Variants in LRRC49 observed in about 807,000 individuals in gnomAD.
LRRC49 encodes the protein leucine rich repeat containing 49.
LRRC49 carries 50 observed loss-of-function variants against 83.3 expected under a neutral mutation model. The observed-to-expected ratio is 0.60, with a 90% CI of 0.48 to 0.76. The LOEUF is 0.76. LRRC49 is among the 30% of genes least tolerant of loss of function. The pLI is 0.00. For missense variants in LRRC49, 704 were observed against 809.1 expected (o/e 0.87, Z 1.58); for synonymous variants, 286 against 283.3 (o/e 1.01, Z -0.10).
At chr15:70,931,397 G>A (rs956418538) in intron 7 of LRRC49, among the ~76,000 whole-genome samples, 5 of 152,044 alleles carry the variant, frequency 3.3e-5, no homozygotes, top group African/African-American at 1.2e-4. Context: ...CACTGATCAC[G>A]GATAATCATA....
At position 70,908,056 on chromosome 15, in the gene LRRC49, T is replaced by G. The variant is rs941705876; in HGVS notation, c.500+3301T>G. 73 of 455,644 alleles carry G rather than the reference T, an allele frequency of 1.6e-4. 1 individual carries two copies. Among genetic ancestry groups the G allele is most frequent in the Non-Finnish European group, 1.8e-5 (4 of 226,596 alleles). 28.2% of individuals were successfully genotyped at this position (455,644 alleles called of 1,614,324 possible). A position where few individuals can be genotyped will look rare whatever the true frequency, so the allele number is the denominator to read the frequency against. On this transcript the variant is annotated intron_variant, in intron 5 of 15. Coordinates refer to ENST00000260382, the MANE Select transcript of LRRC49 (RefSeq NM_017691.5). Reference sequence around the variant, plus strand: ...GAGAATTTATGCCAAAGGCAACTCATGAGAACAAGAGAGCAAGATGTTTGG... The same window carrying G: ...GAGAATTTATGCCAAAGGCAACTCAGGAGAACAAGAGAGCAAGATGTTTGG...
intron 7 of LRRC49, among the ~76,000 whole-genome samples, chr15:70,920,935 A>C (rs1253357927): frequency 1.3e-5 from 2 of 152,128 alleles, no homozygotes; most frequent in African/African-American, 2.4e-5. Flanking sequence ...AAATCTGAGA[A>C]TACTTCTCTT....
chr15:71,017,204 G>T (rs1415606753), intron 14 of LRRC49, among the ~76,000 whole-genome samples: 1 of 152,116 alleles, frequency 6.6e-6, no homozygotes, highest in African/African-American at 2.4e-5. Flanking sequence ...ACTTAATATT[G>T]TAAAGATGCC....
chr15:70,888,450 A>AATAAAAGATGCTGAGTCAAC (rs1201259671), upstream of LRRC49, among the ~76,000 whole-genome samples: 1 of 152,196 alleles, frequency 6.6e-6, no homozygotes, highest in African/African-American at 2.4e-5. Flanking sequence ...ATGCTGAGTC[A>AATAAAAGATGCTGAGTCAAC]AATGGGTATC....
At chr15:71,031,872 T>G (rs1296872038) in intron 14 of LRRC49, among the ~76,000 whole-genome samples, 2 of 152,240 alleles carry the variant, frequency 1.3e-5, no homozygotes, top group South Asian at 2.1e-4. Context: ...CCGGGTCAAC[T>G]TCAGCCTACT....
At chr15:70,938,765 G>A (rs946846350) in intron 8 of LRRC49, among the ~76,000 whole-genome samples, 1 of 152,052 alleles carries the variant, frequency 6.6e-6, no homozygotes, top group African/African-American at 2.4e-5. Flanking sequence ...ATCTTCCATG[G>A]ACTCTAATTC....
intron 11 of LRRC49, among the ~76,000 whole-genome samples, chr15:71,002,660 T>C (rs1304178663): frequency 1.3e-5 from 2 of 152,156 alleles, no homozygotes; most frequent in African/African-American, 4.8e-5. Flanking sequence ...AATGTTGTAA[T>C]AGAAATTCAT....
chr15:71,027,349 T>C (rs565569980), intron 14 of LRRC49, among the ~76,000 whole-genome samples: 4 of 152,340 alleles, frequency 2.6e-5, no homozygotes, highest in African/African-American at 9.6e-5. Flanking sequence ...ACTGTAGCCT[T>C]GTAGCCTAGT....
At chr15:70,865,059 C>G (rs544079188) in intron 1 of LRRC49, among the ~76,000 whole-genome samples, 3 of 152,266 alleles carry the variant, frequency 2.0e-5, no homozygotes, top group Middle Eastern at 6.8e-3. Flanking sequence ...AAGCCTTTTC[C>G]AATTCAGGGA....
chr15:70,883,954 C>T (rs146870785), intron 2 of LRRC49, among the ~76,000 whole-genome samples: 10 of 152,088 alleles, frequency 6.6e-5, no homozygotes, highest in African/African-American at 9.6e-5. Context: ...TTGTGCCAGG[C>T]GGTGAAATTT....
chr15:70,882,880 G>A, intron 2 of LRRC49: 2 of 1,613,974 alleles, frequency 1.2e-6, no homozygotes, highest in Non-Finnish European at 1.7e-6. Flanking sequence ...ATGGGGTTGG[G>A]TTTGCACAAG....
chr15:70,926,120 C>G (rs2035185850), intron 7 of LRRC49, among the ~76,000 whole-genome samples: 1 of 152,212 alleles, frequency 6.6e-6, no homozygotes, highest in Non-Finnish European at 1.5e-5. Flanking sequence ...AATTATTGAG[C>G]TGTATTCCAT....
At chr15:70,937,879 A>G (rs1276988426) in intron 8 of LRRC49, among the ~76,000 whole-genome samples, 4 of 152,136 alleles carry the variant, frequency 2.6e-5, no homozygotes, top group African/African-American at 7.2e-5. Flanking sequence ...TTTGAATGCA[A>G]CATTCCAGGT....
intron 2 of LRRC49, chr15:70,882,235 A>G: frequency 5.1e-6 from 2 of 390,204 alleles, no homozygotes; most frequent in Non-Finnish European, 9.1e-6. Flanking sequence ...GGATTAAAAG[A>G]AAAAAAAAGG....
chr15:71,011,541 T>C (rs1367324516), intron 13 of LRRC49, among the ~76,000 whole-genome samples: 3 of 152,162 alleles, frequency 2.0e-5, no homozygotes, highest in African/African-American at 7.2e-5. Context: ...ATACCTAAAA[T>C]ATATTCCTGT....
intron 6 of LRRC49, among the ~76,000 whole-genome samples, chr15:70,916,559 T>C (rs933334721): frequency 1.3e-5 from 2 of 152,188 alleles, no homozygotes; most frequent in African/African-American, 4.8e-5. Flanking sequence ...CCTCCCAAAG[T>C]ACTGGGATTA....
chr15:71,021,046 G>GA (rs1022731847), intron 14 of LRRC49, among the ~76,000 whole-genome samples: 5 of 151,518 alleles, frequency 3.3e-5, no homozygotes, highest in Admixed American at 1.3e-4. Context: ...TGATGAGCTA[G>GA]AAAAAAATCA....
At chr15:70,891,612 TGTGTGTGA>T (rs1228701569), upstream of LRRC49, among the ~76,000 whole-genome samples, 3 of 105,812 alleles carry the variant, frequency 2.8e-5, no homozygotes, top group Non-Finnish European at 4.0e-5. Flanking sequence ...TGTGTGTGTG[TGTGTGTGA>T]GTTTTGGGGG....
intron 1 of LRRC49, among the ~76,000 whole-genome samples, chr15:70,868,261 A>G (rs2032954089): frequency 6.6e-6 from 1 of 152,236 alleles, no homozygotes; most frequent in Non-Finnish European, 1.5e-5. Context: ...GCTAAATGAT[A>G]TAGAGAAATT....
Sources: allele counts gnomAD v4.1 joint callset (sites outside exome capture counted in the v4.1 genomes callset), GRCh38; gene constraint gnomAD v4.1.1; transcripts MANE v1.5; gene names NCBI Gene and HGNC (gene_info 2026-07-23, HGNC 2026-07-21).